EYA4: variants seen among roughly 807,000 people sequenced by gnomAD.
EYA4 encodes EYA transcriptional coactivator and phosphatase 4.
A neutral mutation model predicts 87.9 loss-of-function variants in EYA4; 31 were observed. The observed-to-expected ratio is 0.35, with a 90% confidence interval of 0.27 to 0.48. EYA4 has a LOEUF of 0.48. Among genes scored for constraint, EYA4 ranks in the 20% least tolerant of loss-of-function variants. The pLI is 0.99. For missense variants in EYA4, 678 were observed against 761.4 expected, an observed-to-expected ratio of 0.89 and a Z score of 1.29; for synonymous variants, 263 against 270.6, an observed-to-expected ratio of 0.97 and a Z score of 0.28.
At chr6:133,365,480 A>G (rs1321248942) in intron 2 of EYA4, among the ~76,000 whole-genome samples, 3 of 152,020 alleles carry the variant, frequency 2.0e-5, no homozygotes, top group African/African-American at 4.8e-5. Context: ...GATTATTTTT[A>G]TTACTTACAT....
intron 2 of EYA4, among the ~76,000 whole-genome samples, chr6:133,364,772 G>T (rs1450618208): frequency 6.6e-6 from 1 of 152,166 alleles, no homozygotes; most frequent in East Asian, 1.9e-4. Context: ...GCTCCCTACA[G>T]TACATAGGCA....
At chr6:133,294,954 G>A (rs187590059) in intron 2 of EYA4, among the ~76,000 whole-genome samples, 4 of 151,994 alleles carry the variant, frequency 2.6e-5, no homozygotes, top group Admixed American at 2.0e-4. Context: ...TCTTATTTGA[G>A]TATCTAACAT....
chr6:133,335,701 C>T (rs1782313830), intron 2 of EYA4, among the ~76,000 whole-genome samples: 1 of 152,084 alleles, frequency 6.6e-6, no homozygotes, highest in Non-Finnish European at 1.5e-5. Context: ...AATGTGCACA[C>T]TCTGTAGCGG....
chr6:133,499,164 G>C (rs535930843), intron 13 of EYA4, among the ~76,000 whole-genome samples: 3 of 152,118 alleles, frequency 2.0e-5, no homozygotes, highest in Non-Finnish European at 4.4e-5. Flanking sequence ...TCTTGAGAAG[G>C]TGGGGGATTA....
intron 2 of EYA4, among the ~76,000 whole-genome samples, chr6:133,304,083 G>A (rs1013345875): frequency 1.2e-4 from 19 of 152,142 alleles, no homozygotes; most frequent in Non-Finnish European, 2.8e-4. Context: ...GAAGGAACAA[G>A]GGTGATGAGT....
At chr6:133,516,467 CT>C (rs1799603918) in intron 17 of EYA4, among the ~76,000 whole-genome samples, 1 of 151,792 alleles carries the variant, frequency 6.6e-6, no homozygotes, top group Non-Finnish European at 1.5e-5. Context: ...AATCCCAGCA[CT>C]TTGGGAGGCC....
At chr6:133,383,429 A>T (rs1786413372) in intron 3 of EYA4, among the ~76,000 whole-genome samples, 1 of 146,472 alleles carries the variant, frequency 6.8e-6, no homozygotes, top group African/African-American at 2.5e-5. Context: ...GAGGTGGAAG[A>T]ATCACTTGAA....
Position 133,277,796 on chromosome 6 carries a change from A to G in EYA4, c.33+2983A>G, listed in dbSNP as rs533267290. Among the ~76,000 whole-genome samples the G allele has an allele frequency of 4.6e-5, 7 of 152,340 alleles. No individual in the cohort carries two copies. In the South Asian group the frequency reaches 1.2e-3, roughly 27 times the overall value. On this transcript the variant is annotated intron_variant, in intron 2 of 19. Transcript: ENST00000355286. The stretch of plus-strand genomic sequence containing the variant: ...GGCATCATCAGCTACTGAATGGGTT[A>G]TGGCAGAAAAGAGGTAGTAATCCTC...
intron 11 of EYA4, among the ~76,000 whole-genome samples, chr6:133,469,736 T>G (rs1795165625): frequency 6.6e-6 from 1 of 151,840 alleles, no homozygotes; most frequent in Admixed American, 6.6e-5. Flanking sequence ...ACTATAAAAC[T>G]TCTAGAAGAA....
At chr6:133,296,184 A>T (rs1471715518) in intron 2 of EYA4, among the ~76,000 whole-genome samples, 1 of 152,182 alleles carries the variant, frequency 6.6e-6, no homozygotes, top group Non-Finnish European at 1.5e-5. Flanking sequence ...ACTTGGTGGC[A>T]TGATCATGGA....
rs1787587110 is a variant in EYA4 at position 133,394,291 on chromosome 6, T to TTTTTG, written c.83+11854_83+11855insGTTTT. On this transcript the variant is annotated intron_variant, in intron 3 of 19. Transcript: ENST00000355286. Reference sequence around the variant, plus strand: ...ATGTATATATAAGCTTGTGTTTTTTTTTTTTTTTTTTTTTTTTTTTTTTTT... The same window carrying TTTTTG: ...ATGTATATATAAGCTTGTGTTTTTTTTTTTGTTTTTTTTTTTTTTTTTTTTTTTTT... 1.0e-4 allele frequency among the ~76,000 whole-genome samples: 3 copies of TTTTTG among 28,660 alleles called. 1 individual carries two copies. The highest frequency in any genetic ancestry group is 1.6e-4 in the African/African-American group (3 of 19,196). The allele number at this position is 28,660 out of a possible 152,430, so 18.8% of individuals were successfully genotyped here.
chr6:133,397,688 A>G (rs1787918886), intron 3 of EYA4, among the ~76,000 whole-genome samples: 1 of 152,236 alleles, frequency 6.6e-6, no homozygotes. Flanking sequence ...ATAAAGACAT[A>G]CTCAAGACTG....
chr6:133,530,840 T>C lies in EYA4; in HGVS notation c.*2035T>C. The stretch of plus-strand genomic sequence containing the variant: ...ATTAAAGTTGGAATACCTTTAATAA[T>C]ATAAAAATAATGATAGTAAATCTTA... On this transcript the variant is annotated 3_prime_UTR_variant, in exon 20 of 20. Transcript: ENST00000355286. 1.0e-6 allele frequency: 1 copy of C among 997,394 alleles called. No homozygotes were observed. Among genetic ancestry groups the C allele is most frequent in the Non-Finnish European group, 1.2e-6 (1 of 835,922 alleles). 61.8% of individuals were successfully genotyped at this position (997,394 alleles called of 1,614,324 possible). A position where few individuals can be genotyped will look rare whatever the true frequency, so the allele number is the denominator to read the frequency against.
At chr6:133,377,473 A>G (rs1583105942) in intron 2 of EYA4, among the ~76,000 whole-genome samples, 1 of 151,640 alleles carries the variant, frequency 6.6e-6, no homozygotes, top group African/African-American at 2.4e-5. Flanking sequence ...TGCCTCGGAT[A>G]TCTCAGGCAT....
intron 2 of EYA4, among the ~76,000 whole-genome samples, chr6:133,372,009 T>TATGA (rs1368317170): frequency 6.6e-6 from 1 of 152,168 alleles, no homozygotes; most frequent in Non-Finnish European, 1.5e-5. Context: ...ATTCCTGCTG[T>TATGA]ATGAATCCCT....
intron 1 of EYA4, among the ~76,000 whole-genome samples, chr6:133,252,775 A>G (rs1213323719): frequency 6.6e-6 from 1 of 152,192 alleles, no homozygotes; most frequent in Non-Finnish European, 1.5e-5. Flanking sequence ...TTTTTATCTT[A>G]TTAGAAATTG....
chr6:133,441,885 C>T (rs1337677030), intron 3 of EYA4, among the ~76,000 whole-genome samples: 1 of 151,798 alleles, frequency 6.6e-6, no homozygotes, highest in East Asian at 1.9e-4. Context: ...TCAATACTGA[C>T]ATATTGATTC....
intron 2 of EYA4, among the ~76,000 whole-genome samples, chr6:133,341,482 AGTGG>A (rs1782774176): frequency 6.6e-6 from 1 of 152,226 alleles, no homozygotes; most frequent in African/African-American, 2.4e-5. Context: ...AAACATTAAC[AGTGG>A]AGCCCTTTAT....
Position 133,459,447 on chromosome 6 carries a change from G to A in EYA4, c.371-1667G>A, listed in dbSNP as rs1024215643. Among the ~76,000 whole-genome samples, 7 of 152,042 alleles carry A rather than the reference G, an allele frequency of 4.6e-5. No individual in the cohort carries two copies. In the South Asian group the frequency reaches 6.2e-4, roughly 14 times the overall value. On this transcript the variant is annotated intron_variant, in intron 6 of 19. Transcript: ENST00000355286. The stretch of plus-strand genomic sequence containing the variant: ...TGAATATTTATCTTCATGATTCAGC[G>A]TCTCTTTGGAAAAGCCTTCTATTTC...
Sources: allele counts gnomAD v4.1 joint callset (sites outside exome capture counted in the v4.1 genomes callset), GRCh38; gene constraint gnomAD v4.1.1; transcripts MANE v1.5; gene names NCBI Gene and HGNC (gene_info 2026-07-23, HGNC 2026-07-21).